The following BANP variants were observed in gnomAD, a reference collection of about 807,000 sequenced individuals.
The protein encoded by BANP is protein BANP.
In BANP, 11 loss-of-function variants were observed where a neutral mutation model predicts 68.1. The ratio of observed to expected loss-of-function variants is 0.16; its 90% confidence interval spans 0.10 to 0.27. BANP has a LOEUF of 0.27. Ranked by LOEUF, BANP falls within the 10% of genes least tolerant of loss-of-function variation. BANP has a pLI of 1.00. For missense variants in BANP, 504 were observed against 722.7 expected (o/e 0.70, Z 3.47); for synonymous variants, 329 against 303.2 (o/e 1.09, Z -0.88).
At chr16:87,988,665 C>A (rs1237754167) in intron 4 of BANP, among the ~76,000 whole-genome samples, 2 of 152,212 alleles carry the variant, frequency 1.3e-5, no homozygotes, top group African/African-American at 4.8e-5. Context: ...TCCCAGGGCT[C>A]ACTCCTTGCT....
At chr16:88,072,946 A>G (rs1290187553) in intron 13 of BANP, among the ~76,000 whole-genome samples, 2 of 152,226 alleles carry the variant, frequency 1.3e-5, no homozygotes, top group Admixed American at 6.5e-5. Context: ...CTTCTGGAAC[A>G]TTCTGGCCGC....
In BANP at chr16:88,018,870, C is replaced by T. The variant is rs977780655; in HGVS notation, c.895+203C>T. Among the ~76,000 whole-genome samples, 1 of 152,182 alleles carries T rather than the reference C, an allele frequency of 6.6e-6. No homozygotes were observed. The highest frequency in any genetic ancestry group is 6.5e-5 in the Admixed American group (1 of 15,288). ...ATGTGCTTATTACGCACGGCATGCC[C>T]GCACCAAAATACCTCATATACCCCA... On this transcript the variant is annotated intron_variant, in intron 7 of 13. Transcript: ENST00000682872. The surrounding 1 kb of genome is among the most constrained non-coding windows in gnomAD (Gnocchi z 7.7).
intron 4 of BANP, among the ~76,000 whole-genome samples, chr16:87,998,251 G>T: frequency 6.6e-6 from 1 of 152,222 alleles, no homozygotes; most frequent in Admixed American, 6.5e-5. Context: ...AGCATAGTAA[G>T]GACGTGGCAA....
chr16:88,021,784 G>A (rs1255419655), intron 7 of BANP, among the ~76,000 whole-genome samples: 1 of 152,184 alleles, frequency 6.6e-6, no homozygotes, highest in East Asian at 1.9e-4. Context: ...CCGCAGTGAC[G>A]CCTGTAGCCT....
intron 7 of BANP, among the ~76,000 whole-genome samples, chr16:88,023,087 G>A (rs2076317979): frequency 6.6e-6 from 1 of 152,198 alleles, no homozygotes; most frequent in African/African-American, 2.4e-5. Flanking sequence ...TGTCCTTAAG[G>A]CAGAATGTGG....
Position 88,024,580 on chromosome 16 carries a change from T to A in BANP, c.896-2903T>A, listed in dbSNP as rs149543318. Among the ~76,000 whole-genome samples the A allele has an allele frequency of 3.6e-3, 546 of 152,358 alleles. 12 individuals carry two copies. Among genetic ancestry groups the A allele is most frequent in the Admixed American group, 0.028 (427 of 15,304 alleles). On this transcript the variant is annotated intron_variant, in intron 7 of 13. Coordinates refer to ENST00000682872, the MANE Select transcript of BANP (RefSeq NM_001386991.1). ...TGAGGGCTGCCCAGACGTGGGCGCTTGCCCCAGCTGCTGTCCAGTAGCATC... is the reference window on the plus strand; with the variant it reads ...TGAGGGCTGCCCAGACGTGGGCGCTAGCCCCAGCTGCTGTCCAGTAGCATC...
In BANP at chr16:88,076,580, C is replaced by A. The variant is rs2091665794; in HGVS notation, c.1522-10C>A. On this transcript the variant is annotated splice_polypyrimidine_tract_variant and intron_variant, in intron 13 of 13. Coordinates refer to ENST00000682872, the MANE Select transcript of BANP (RefSeq NM_001386991.1). Reference sequence around the variant, plus strand: ...TTTTCTAGAAAGTCCCTCCTTTCTCCCTTTTGCAGACGGCCGAAGCCCTGC... The same window carrying A: ...TTTTCTAGAAAGTCCCTCCTTTCTCACTTTTGCAGACGGCCGAAGCCCTGC... 6 of 1,612,250 alleles carry A rather than the reference C, an allele frequency of 3.7e-6. No homozygotes were observed. Among genetic ancestry groups the A allele is most frequent in the African/African-American group, 1.3e-5 (1 of 75,038 alleles).
In BANP at chr16:88,014,040, C is replaced by T. The variant is rs574790791; in HGVS notation, c.656-4388C>T. Among the ~76,000 whole-genome samples, 69 of 152,286 alleles carry T rather than the reference C, an allele frequency of 4.5e-4. 1 individual carries two copies. The South Asian group carries it at 6.2e-3, about 14-fold the overall frequency. ...ACTGGGTCCTGCTGGACACTCCAGG[C>T]GGGAGATTCCTGGGAGGACAGGCCA... On this transcript the variant is annotated intron_variant, in intron 6 of 13. Coordinates refer to ENST00000682872, the MANE Select transcript of BANP (RefSeq NM_001386991.1).
intron 12 of BANP, among the ~76,000 whole-genome samples, chr16:88,067,408 G>C (rs900497123): frequency 6.6e-6 from 1 of 152,088 alleles, no homozygotes; most frequent in African/African-American, 2.4e-5. Flanking sequence ...GAGGAGACTC[G>C]AGCTGGAACC....
At chr16:88,073,267 T>C (rs1163261949) in intron 13 of BANP, among the ~76,000 whole-genome samples, 5 of 152,250 alleles carry the variant, frequency 3.3e-5, no homozygotes. Flanking sequence ...AGTGCTCACC[T>C]GACGCTCACG....
chr16:88,012,150 C>G (rs534548449), intron 6 of BANP, among the ~76,000 whole-genome samples: 1 of 152,230 alleles, frequency 6.6e-6, no homozygotes, highest in Non-Finnish European at 1.5e-5. Context: ...GAGTTATTGA[C>G]AGTTATGGTT....
intron 9 of BANP, 68 bp downstream of exon 9, chr16:88,033,313 C>T (rs370393081): frequency 1.9e-5 from 27 of 1,409,236 alleles, no homozygotes; most frequent in South Asian, 1.4e-4. Flanking sequence ...AGGGCCATGG[C>T]GGCTTCCACC....
chr16:88,058,028 C>T (rs1314327257), intron 11 of BANP, among the ~76,000 whole-genome samples: 3 of 152,096 alleles, frequency 2.0e-5, no homozygotes, highest in African/African-American at 7.2e-5. Context: ...AGGGTTCAAG[C>T]GTAATATAAT....
At chr16:87,992,799 A>G (rs1422964432) in intron 4 of BANP, among the ~76,000 whole-genome samples, 1 of 151,940 alleles carries the variant, frequency 6.6e-6, no homozygotes, top group Non-Finnish European at 1.5e-5. Flanking sequence ...TCAAAAAAAA[A>G]AAACACTTCA....
chr16:87,972,473 A>T (rs2061309679), intron 1 of BANP, among the ~76,000 whole-genome samples: 2 of 151,098 alleles, frequency 1.3e-5, no homozygotes, highest in South Asian at 4.2e-4. Flanking sequence ...TGTTTCTAGA[A>T]TGTTTTCATT....
In BANP at chr16:88,004,449, C is replaced by T. The variant is rs537083077; in HGVS notation, c.479+38C>T. ...GCACCAACCCCACCTTTCCCTGCCA[C>T]TGTGCGGAGTCCCATGAGAATAAGT... On this transcript the variant is annotated intron_variant, in intron 5 of 13. Transcript: ENST00000682872. This position sits in a 1 kb window ranked among gnomAD's most constrained non-coding sequence, Gnocchi z 7.0. The T allele has an allele frequency of 1.0e-4, 116 of 1,160,718 alleles. No homozygotes were observed. The South Asian group carries it at 1.6e-3, about 16-fold the overall frequency. 71.9% of individuals were successfully genotyped at this position (1,160,718 alleles called of 1,614,324 possible). A position where few individuals can be genotyped will look rare whatever the true frequency, so the allele number is the denominator to read the frequency against.
intron 7 of BANP, among the ~76,000 whole-genome samples, chr16:88,023,220 C>T (rs1484393667): frequency 6.6e-6 from 1 of 152,158 alleles, no homozygotes; most frequent in South Asian, 2.1e-4. Flanking sequence ...GCAGAGCCTC[C>T]TTCTCAGCAG....
At chr16:87,966,643 T>C (rs898082546) in intron 1 of BANP, 2 of 152,240 alleles carry the variant, frequency 1.3e-5, no homozygotes, top group Admixed American at 1.3e-4. Flanking sequence ...GAGCATTTTC[T>C]GAAGCCACTT....
chr16:88,026,055 C>T (rs1021803419), intron 7 of BANP, among the ~76,000 whole-genome samples: 3 of 152,200 alleles, frequency 2.0e-5, no homozygotes, highest in African/African-American at 7.2e-5. Context: ...TCACCTGCTC[C>T]GCCGTGGCCT....
Sources: gnomAD v4.1 joint callset for allele counts (sites outside exome capture counted in the v4.1 genomes callset) on GRCh38, gnomAD v4.1.1 for gene constraint, Gnocchi (gnomAD v3.1) non-coding constraint, MANE v1.5 for transcripts, NCBI Gene and HGNC (gene_info 2026-07-23, HGNC 2026-07-21) for gene names.